The following GALNT1 variants were observed in gnomAD, a reference collection of about 807,000 sequenced individuals.
The protein encoded by GALNT1 is GalNAc transferase 1.
GALNT1 carries 17 observed loss-of-function variants against 65.7 expected under a neutral mutation model. The observed-to-expected ratio is 0.26, with a 90% CI of 0.18 to 0.39. The LOEUF (loss-of-function observed/expected upper bound fraction) is 0.39, where lower values mean the gene tolerates loss of function less well. Among genes scored for constraint, GALNT1 ranks in the 10% least tolerant of loss-of-function variants. GALNT1 has a pLI of 1.00. For missense variants in GALNT1, 460 were observed against 672.8 expected (o/e 0.68, Z 3.50); for synonymous variants, 210 against 219.7 (o/e 0.96, Z 0.39).
chr18:35,606,421 A>G (rs888470806), intron 1 of GALNT1, among the ~76,000 whole-genome samples: 16 of 152,214 alleles, frequency 1.1e-4, no homozygotes, highest in African/African-American at 3.9e-4. Context: ...TATGACAGCT[A>G]AGGCTTCAAG....
chr18:35,643,652 C>T (rs946219934), intron 1 of GALNT1, among the ~76,000 whole-genome samples: 7 of 151,406 alleles, frequency 4.6e-5, no homozygotes, highest in East Asian at 3.9e-4. Context: ...CCCAGCTACT[C>T]GGGAGGCTGA....
intron 1 of GALNT1, among the ~76,000 whole-genome samples, chr18:35,603,880 A>G (rs1351745824): frequency 2.0e-5 from 3 of 152,162 alleles, no homozygotes; most frequent in African/African-American, 7.2e-5. Context: ...CTGATGTAGT[A>G]ATGCAGAATT....
intron 8 of GALNT1, among the ~76,000 whole-genome samples, chr18:35,691,547 T>A (rs1652314994): frequency 6.6e-6 from 1 of 152,052 alleles, no homozygotes; most frequent in Admixed American, 6.5e-5. Context: ...TCTTGATTCT[T>A]GGAGTTTTCA....
intron 1 of GALNT1, among the ~76,000 whole-genome samples, chr18:35,593,507 G>A (rs2143885342): frequency 6.6e-6 from 1 of 152,176 alleles, no homozygotes; most frequent in Non-Finnish European, 1.5e-5. Flanking sequence ...GTAGGTCGTA[G>A]GTTATGTTGA....
intron 7 of GALNT1, among the ~76,000 whole-genome samples, chr18:35,690,453 C>A (rs186927328): frequency 1.2e-3 from 179 of 152,188 alleles, no homozygotes; most frequent in Admixed American, 2.1e-3. Flanking sequence ...TCTGCACACA[C>A]AAAACATAAA....
intron 2 of GALNT1, among the ~76,000 whole-genome samples, chr18:35,657,039 T>C (rs1431676849): frequency 1.3e-5 from 2 of 152,108 alleles, no homozygotes; most frequent in African/African-American, 4.8e-5. Flanking sequence ...AGGAGCAGCT[T>C]TGATGAAAAG....
At chr18:35,622,204 T>A (rs1016939228) in intron 1 of GALNT1, among the ~76,000 whole-genome samples, 1 of 152,090 alleles carries the variant, frequency 6.6e-6, no homozygotes, top group African/African-American at 2.4e-5. Context: ...ATTCCTTAAT[T>A]TTTTTGTAGA....
chr18:35,594,724 A>G (rs1290268981), intron 1 of GALNT1, among the ~76,000 whole-genome samples: 3 of 151,980 alleles, frequency 2.0e-5, no homozygotes, highest in Non-Finnish European at 4.4e-5. Context: ...GGTTAAGTGT[A>G]CTAGGAGGCA....
chr18:35,657,611 A>G (rs1029882434), intron 2 of GALNT1, among the ~76,000 whole-genome samples: 1 of 152,152 alleles, frequency 6.6e-6, no homozygotes, highest in Non-Finnish European at 1.5e-5. Context: ...GTGGAATGAA[A>G]AGCCCCAAGG....
chr18:35,633,813 T>C (rs1348937675), intron 1 of GALNT1, among the ~76,000 whole-genome samples: 31 of 152,318 alleles, frequency 2.0e-4, no homozygotes, highest in Admixed American at 2.0e-3. Flanking sequence ...GTCCCAATAC[T>C]AATTAATTAG....
intron 1 of GALNT1, among the ~76,000 whole-genome samples, chr18:35,631,931 A>G (rs2047017835): frequency 1.3e-5 from 2 of 152,224 alleles, no homozygotes; most frequent in African/African-American, 4.8e-5. Flanking sequence ...CCAAATCATG[A>G]GTGAACTCCC....
Position 35,678,113 on chromosome 18 carries a change from C to T in GALNT1, c.481+356C>T, listed in dbSNP as rs570041087. Among the ~76,000 whole-genome samples the T allele has an allele frequency of 5.3e-5, 8 of 152,184 alleles. No individual in the cohort carries two copies. The South Asian group carries it at 1.7e-3, about 32-fold the overall frequency. On this transcript the variant is annotated intron_variant, in intron 4 of 11. Coordinates refer to ENST00000269195, the MANE Select transcript of GALNT1 (RefSeq NM_020474.4). Reference sequence around the variant, plus strand: ...GTCAGTAGAGAGAGACTGGATTCTGCTTACATCCATGAATGGAGAAATGTA... The same window carrying T: ...GTCAGTAGAGAGAGACTGGATTCTGTTTACATCCATGAATGGAGAAATGTA...
chr18:35,695,797 G>A (rs969293535), intron 9 of GALNT1, among the ~76,000 whole-genome samples: 2 of 152,152 alleles, frequency 1.3e-5, no homozygotes, highest in East Asian at 1.9e-4. Context: ...CTGTGACCTC[G>A]TACTGGTCAA....
At chr18:35,625,809 G>A (rs537422666) in intron 1 of GALNT1, among the ~76,000 whole-genome samples, 74 of 152,270 alleles carry the variant, frequency 4.9e-4, no homozygotes, top group Non-Finnish European at 9.0e-4. Context: ...TGCATATTTT[G>A]CTGAAACTCC....
At chr18:35,618,997 G>A (rs2046818854) in intron 1 of GALNT1, among the ~76,000 whole-genome samples, 1 of 152,088 alleles carries the variant, frequency 6.6e-6, no homozygotes, top group African/African-American at 2.4e-5. Flanking sequence ...ATGACATTAG[G>A]GAGAGACTAG....
intron 1 of GALNT1, among the ~76,000 whole-genome samples, chr18:35,622,762 T>C (rs72960670): frequency 0.095 from 14,492 of 152,180 alleles, 829 homozygotes; most frequent in African/African-American, 0.17. Context: ...CTCTAGTACA[T>C]TGTTGACAGG....
At chr18:35,664,504 A>G (rs1012592360) in intron 3 of GALNT1, 1 of 152,236 alleles carries the variant, frequency 6.6e-6, no homozygotes, top group African/African-American at 2.4e-5. Flanking sequence ...AAATAAAGCT[A>G]TTGTGACATT....
At chr18:35,699,941 C>T (rs2048128822) in intron 9 of GALNT1, among the ~76,000 whole-genome samples, 1 of 152,116 alleles carries the variant, frequency 6.6e-6, no homozygotes, top group African/African-American at 2.4e-5. Flanking sequence ...CAATTTTGAA[C>T]ATTTGATTCA....
intron 1 of GALNT1, among the ~76,000 whole-genome samples, chr18:35,635,644 T>C (rs185175002): frequency 6.6e-6 from 1 of 152,350 alleles, no homozygotes; most frequent in East Asian, 1.9e-4. Context: ...TAATGCTAGA[T>C]ATACTCTTTA....
Sources: gnomAD v4.1 joint callset for allele counts (sites outside exome capture counted in the v4.1 genomes callset) on GRCh38, gnomAD v4.1.1 for gene constraint, MANE v1.5 for transcripts, NCBI Gene and HGNC (gene_info 2026-07-23, HGNC 2026-07-21) for gene names.